The following LIMCH1 variants were observed in gnomAD, a reference collection of about 807,000 sequenced individuals.
LIMCH1 encodes the protein LIM and calponin homology domains-containing protein 1.
Under a neutral mutation model 176.5 loss-of-function variants are expected in LIMCH1, and 113 were observed. The observed-to-expected ratio is 0.64, with a 90% CI of 0.55 to 0.75. The LOEUF (loss-of-function observed/expected upper bound fraction) is 0.75. Ranked by LOEUF, LIMCH1 falls within the 30% of genes least tolerant of loss-of-function variation. The pLI, the probability that LIMCH1 is intolerant of heterozygous loss-of-function variation, is 0.00. For synonymous variants in LIMCH1, 619 were observed against 645.9 expected (o/e 0.96, Z 0.63); for missense variants, 1,674 against 1,814.9 (o/e 0.92, Z 1.41).
chr4:41,384,754 A>G (rs1258825272), intron 1 of LIMCH1, among the ~76,000 whole-genome samples: 2 of 152,138 alleles, frequency 1.3e-5, no homozygotes, highest in African/African-American at 4.8e-5. Flanking sequence ...ATTAAGTTTG[A>G]TGCTCTTTTT....
At chr4:41,413,405 C>T (rs1273524231) in intron 1 of LIMCH1, among the ~76,000 whole-genome samples, 1 of 151,930 alleles carries the variant, frequency 6.6e-6, no homozygotes, top group Admixed American at 6.6e-5. Context: ...TCATAGCTCA[C>T]TGCAGCCTTG....
intron 2 of LIMCH1, 74 bp from the exon 3 acceptor site, chr4:41,603,801 G>A: frequency 5.1e-6 from 5 of 978,028 alleles, no homozygotes; most frequent in Non-Finnish European, 8.2e-6. Context: ...GTACATCTTA[G>A]TGGCATTTAA....
chr4:41,541,434 C>T (rs1280807415), intron 1 of LIMCH1, among the ~76,000 whole-genome samples: 2 of 152,296 alleles, frequency 1.3e-5, no homozygotes, highest in South Asian at 2.1e-4. Flanking sequence ...GTATGAGCTA[C>T]CAACTCCCAT....
At chr4:41,542,304 T>C (rs1243768443) in intron 1 of LIMCH1, among the ~76,000 whole-genome samples, 1 of 152,092 alleles carries the variant, frequency 6.6e-6, no homozygotes, top group African/African-American at 2.4e-5. Flanking sequence ...ATTTTGCTTT[T>C]AGGAATATGG....
intron 1 of LIMCH1, chr4:41,551,381 G>C (rs1363665427): frequency 6.6e-6 from 1 of 152,152 alleles, no homozygotes; most frequent in Non-Finnish European, 1.5e-5. Flanking sequence ...AGTTGCTCAG[G>C]ACAAAATAAC....
intron 1 of LIMCH1, among the ~76,000 whole-genome samples, chr4:41,582,594 C>T (rs962997167): frequency 6.6e-6 from 1 of 152,156 alleles, no homozygotes; most frequent in Admixed American, 6.6e-5. Flanking sequence ...CAACCATTTA[C>T]GTGTGTGCCA....
At chr4:41,666,095 T>G (rs2094812615) in intron 20 of LIMCH1, among the ~76,000 whole-genome samples, 1 of 152,204 alleles carries the variant, frequency 6.6e-6, no homozygotes, top group Non-Finnish European at 1.5e-5. Context: ...TGGGGGGTTA[T>G]GTAATGTCTT....
chr4:41,631,126 A>G (rs984334793), intron 9 of LIMCH1, 22 bp from the exon 10 acceptor site: 2 of 1,478,220 alleles, frequency 1.4e-6, no homozygotes, highest in Admixed American at 5.0e-5. Context: ...CACTTTTAGA[A>G]CTTATTTCTG....
At chr4:41,587,782 G>C (rs1471347245) in intron 1 of LIMCH1, among the ~76,000 whole-genome samples, 5 of 152,108 alleles carry the variant, frequency 3.3e-5, no homozygotes, top group Non-Finnish European at 7.4e-5. Context: ...TGATAGCTTT[G>C]AATAAGCTTT....
upstream of LIMCH1, among the ~76,000 whole-genome samples, chr4:41,360,057 G>GTGTGTGTGTGTGTT (rs1561113026): frequency 5.4e-5 from 8 of 148,610 alleles, no homozygotes; most frequent in African/African-American, 2.0e-4. This position sits in a 1 kb window ranked among gnomAD's most constrained non-coding sequence, Gnocchi z 4.5. Context: ...GTGTGTGTGT[G>GTGTGTGTGTGTGTT]TTTCCATCTC....
chr4:41,459,134 A>G (rs930511472), intron 1 of LIMCH1, among the ~76,000 whole-genome samples: 1 of 152,232 alleles, frequency 6.6e-6, no homozygotes, highest in East Asian at 1.9e-4. Flanking sequence ...TATTTGGAAG[A>G]TGAACATGCT....
chr4:41,483,808 G>A (rs1449516456), intron 1 of LIMCH1, among the ~76,000 whole-genome samples: 1 of 152,190 alleles, frequency 6.6e-6, no homozygotes, highest in East Asian at 1.9e-4. Flanking sequence ...CCGCTCAAGG[G>A]CCTTCCCTGA....
intron 2 of LIMCH1, among the ~76,000 whole-genome samples, chr4:41,603,351 T>A (rs1686541547): frequency 6.6e-6 from 1 of 152,214 alleles, no homozygotes; most frequent in East Asian, 1.9e-4. Context: ...CAGGCATATT[T>A]TCCTGCTTAT....
intron 1 of LIMCH1, among the ~76,000 whole-genome samples, chr4:41,553,350 C>A (rs2080798862): frequency 6.6e-6 from 1 of 152,046 alleles, no homozygotes; most frequent in Admixed American, 6.6e-5. Context: ...AGAGGAGGGC[C>A]TTAATTGAGT....
At chr4:41,592,469 T>C (rs1045360651) in intron 1 of LIMCH1, among the ~76,000 whole-genome samples, 1 of 152,180 alleles carries the variant, frequency 6.6e-6, no homozygotes, top group African/African-American at 2.4e-5. Flanking sequence ...TATCTTTTTT[T>C]TTTCTTTGCC....
At position 41,590,138 on chromosome 4, in the gene LIMCH1, G is replaced by A. The variant is rs185951095; in HGVS notation, c.-240-8782G>A. On this transcript the variant is annotated intron_variant, in intron 1 of 31. Coordinates refer to ENST00000503057, the MANE Select transcript of LIMCH1 (RefSeq NM_001330672.2). The stretch of plus-strand genomic sequence containing the variant: ...GAGACAGGGTCTCGCTCTTGCCCAG[G>A]CTGGAGTGTAGTGGCACAATCACGG... 1.8e-3 allele frequency among the ~76,000 whole-genome samples: 273 copies of A among 152,176 alleles called. 1 individual carries two copies. Among genetic ancestry groups the A allele is most frequent in the African/African-American group, 6.1e-3 (252 of 41,510 alleles).
intron 2 of LIMCH1, among the ~76,000 whole-genome samples, chr4:41,511,913 A>G (rs544284573): frequency 8.4e-4 from 128 of 152,346 alleles, no homozygotes; most frequent in African/African-American, 3.0e-3. Context: ...AAAAATAAAT[A>G]AACTGGACTA....
chr4:41,384,184 GGGTCCTTCAC>G (rs2056134745), intron 1 of LIMCH1, among the ~76,000 whole-genome samples: 1 of 151,882 alleles, frequency 6.6e-6, no homozygotes, highest in Admixed American at 6.6e-5. Flanking sequence ...AGACAGTGAG[GGGTCCTTCAC>G]ATTACATCCT....
chr4:41,367,870 A>C (rs2053335640), intron 1 of LIMCH1, among the ~76,000 whole-genome samples: 1 of 116,574 alleles, frequency 8.6e-6, no homozygotes, highest in Admixed American at 8.5e-5. Context: ...CCATCATAAA[A>C]AAAAAAAAAA....
Sources: allele counts gnomAD v4.1 joint callset (sites outside exome capture counted in the v4.1 genomes callset), GRCh38; gene constraint gnomAD v4.1.1; non-coding constraint Gnocchi (gnomAD v3.1); transcripts MANE v1.5; gene names NCBI Gene and HGNC (gene_info 2026-07-23, HGNC 2026-07-21).